CREM: variants seen among roughly 807,000 people sequenced by gnomAD.
CREM encodes cAMP-responsive element modulator.
CREM carries 13 observed loss-of-function variants against 37.3 expected under a neutral mutation model. The ratio of observed to expected loss-of-function variants is 0.35; its 90% CI spans 0.23 to 0.55. The LOEUF (loss-of-function observed/expected upper bound fraction) is 0.55. Ranked by LOEUF, CREM falls within the 20% of genes least tolerant of loss-of-function variation. The probability of loss-of-function intolerance (pLI) is 0.88; values close to 1 mark genes in which losing one functional copy is unlikely to be tolerated. For missense variants in CREM, 296 were observed against 362.3 expected (o/e 0.82, Z 1.49); for synonymous variants, 124 against 120.2 (o/e 1.03, Z -0.21).
chr10:35,209,368 A>G (rs1298958564), intron 7 of CREM: 2 of 985,242 alleles, frequency 2.0e-6, no homozygotes, highest in East Asian at 1.1e-4. Context: ...GGATACACCC[A>G]GACACATGCA....
intron 1 of CREM, 98 bp from the exon 2 acceptor site, chr10:35,137,684 C>T: frequency 1.7e-5 from 8 of 465,580 alleles, no homozygotes; most frequent in South Asian, 3.5e-5. Flanking sequence ...TCTTCCTGGC[C>T]TTGTTTTGAG....
chr10:35,159,042 T>G (rs1377999402), intron 3 of CREM, among the ~76,000 whole-genome samples: 1 of 152,118 alleles, frequency 6.6e-6, no homozygotes, highest in Non-Finnish European at 1.5e-5. Context: ...CTTGAATTCA[T>G]CAGGGCTTTA....
At chr10:35,148,295 G>T in intron 2 of CREM, 73 bp from the exon 3 acceptor site, 1 of 1,439,548 alleles carries the variant, frequency 6.9e-7, no homozygotes, top group South Asian at 1.4e-5. Flanking sequence ...TTTTGGATTA[G>T]GGATGTTCAA....
chr10:35,130,511 T>C (rs914930270), intron 1 of CREM, among the ~76,000 whole-genome samples: 6 of 152,236 alleles, frequency 3.9e-5, no homozygotes, highest in Admixed American at 1.3e-4. Flanking sequence ...CTTACTGCAC[T>C]GAATAATGAT....
intron 3 of CREM, among the ~76,000 whole-genome samples, chr10:35,162,027 T>C (rs1429891608): frequency 6.6e-6 from 1 of 152,208 alleles, no homozygotes; most frequent in African/African-American, 2.4e-5. Context: ...TCAGCCTCGG[T>C]GTTCATCAGT....
intron 3 of CREM, among the ~76,000 whole-genome samples, chr10:35,159,544 G>T (rs2093159216): frequency 6.6e-6 from 1 of 152,106 alleles, no homozygotes; most frequent in Admixed American, 6.6e-5. Flanking sequence ...ATGAAATTAG[G>T]CCCTTGTCTC....
chr10:35,149,461 T>C (rs931694831), intron 3 of CREM, among the ~76,000 whole-genome samples: 18 of 152,134 alleles, frequency 1.2e-4, no homozygotes, highest in Admixed American at 6.6e-5. Flanking sequence ...CTAAATAGTA[T>C]TGAAATATTT....
intron 3 of CREM, among the ~76,000 whole-genome samples, chr10:35,170,865 T>G (rs995090534): frequency 6.6e-6 from 1 of 152,202 alleles, no homozygotes; most frequent in Non-Finnish European, 1.5e-5. Context: ...CTTATAAGTT[T>G]TGGCCTAACC....
chr10:35,207,847 G>A (rs928393041), intron 7 of CREM, among the ~76,000 whole-genome samples: 15 of 152,156 alleles, frequency 9.9e-5, no homozygotes, highest in Admixed American at 3.3e-4. Context: ...GTAGGTTTGT[G>A]CTCTGTGTGT....
At chr10:35,198,757 G>A (rs1422071395) in intron 6 of CREM, among the ~76,000 whole-genome samples, 2 of 152,168 alleles carry the variant, frequency 1.3e-5, no homozygotes, top group African/African-American at 4.8e-5. Flanking sequence ...GAAAACTAGT[G>A]TCTTAGTTAA....
At chr10:35,148,303 C>A in intron 2 of CREM, 65 bp from the exon 3 acceptor site, 1 of 1,488,826 alleles carries the variant, frequency 6.7e-7, no homozygotes, top group Non-Finnish European at 9.0e-7. Flanking sequence ...TAGGGATGTT[C>A]AACCTGTATT....
intron 2 of CREM, among the ~76,000 whole-genome samples, chr10:35,138,095 A>T (rs2135626423): frequency 6.6e-6 from 1 of 152,364 alleles, no homozygotes; most frequent in Non-Finnish European, 1.5e-5. Flanking sequence ...CAGTTGACTT[A>T]TGCTAAGTAC....
chr10:35,188,496 G>A (rs1444616419), intron 6 of CREM, 108 bp downstream of exon 6: 7 of 917,048 alleles, frequency 7.6e-6, no homozygotes, highest in Non-Finnish European at 1.1e-5. Context: ...AGATGGTGGG[G>A]GGTTGGGAGG....
intron 5 of CREM, among the ~76,000 whole-genome samples, chr10:35,187,731 C>G (rs1364988278): frequency 6.6e-6 from 1 of 152,034 alleles, no homozygotes; most frequent in Admixed American, 6.6e-5. Context: ...CCTTGAACTC[C>G]TGGGCTCAAG....
intron 5 of CREM, among the ~76,000 whole-genome samples, chr10:35,187,130 TAATA>T (rs1163893039): frequency 9.1e-5 from 7 of 77,324 alleles, no homozygotes; most frequent in Admixed American, 4.6e-4. Context: ...ATAAATATAT[TAATA>T]TATTAATATA....
Position 35,178,978 on chromosome 10 carries a change from C to T in CREM, c.258C>T (p.Pro86=). ...HKRREILSRR[P]SYRKILNELS... ...GTAGAGAAATCCTTTCACGAAGACC[C>T]TCTTATAGGTAAGTTAACCAAGTTT... is the stretch of plus-strand genomic sequence containing the variant. The change falls in exon 4 of 8, where the codon CCC becomes CCT. Residue 86 remains proline, a synonymous_variant. Coordinates refer to ENST00000685392, the MANE Select transcript of CREM (RefSeq NM_183011.2). The T allele has an allele frequency of 6.2e-7, 1 of 1,605,424 alleles. No homozygotes were observed. The highest frequency in any genetic ancestry group is 8.5e-7 in the Non-Finnish European group (1 of 1,177,090).
In CREM at chr10:35,207,091, T is replaced by G. The variant is rs752976086; in HGVS notation, c.755+40T>G. The G allele has an allele frequency of 2.5e-6, 4 of 1,582,676 alleles. No individual in the cohort carries two copies. In the African/African-American group the frequency reaches 5.4e-5, roughly 22 times the overall value. ...AGGGAATCGGTAACTTCTAGGACAC[T>G]TTTTAAAAATTACAGTTTTCACCGG... On this transcript the variant is annotated intron_variant, in intron 7 of 7. Transcript: ENST00000685392.
intron 3 of CREM, chr10:35,176,102 C>A: frequency 7.1e-7 from 1 of 1,416,000 alleles, no homozygotes; most frequent in Non-Finnish European, 9.4e-7. Context: ...TGCTTATACG[C>A]AAATCTTTTT....
intron 5 of CREM, among the ~76,000 whole-genome samples, chr10:35,186,691 A>C (rs1467303906): frequency 7.2e-6 from 1 of 139,698 alleles, no homozygotes; most frequent in Non-Finnish European, 1.5e-5. Context: ...ATATATATTA[A>C]AAATTTTGGT....
Sources: allele counts gnomAD v4.1 joint callset (sites outside exome capture counted in the v4.1 genomes callset), GRCh38; gene constraint gnomAD v4.1.1; transcripts MANE v1.5; gene names NCBI Gene and HGNC (gene_info 2026-07-23, HGNC 2026-07-21).